LGSN: variants seen among roughly 807,000 people sequenced by gnomAD.
LGSN encodes the protein lengsin, lens protein with glutamine synthetase domain, also known as lengsin.
A neutral mutation model predicts 19.5 loss-of-function variants in LGSN; 21 were observed. The observed-to-expected ratio is 1.07, with a 90% CI of 0.76 to 1.55. The LOEUF (loss-of-function observed/expected upper bound fraction) is 1.55, where lower values mean the gene tolerates loss of function less well. Among genes scored for constraint, LGSN ranks in the 40% most tolerant of loss-of-function variants. The pLI, the probability that LGSN is intolerant of heterozygous loss-of-function variation, is 0.00. For missense variants in LGSN, 673 were observed against 608.5 expected, an observed-to-expected ratio of 1.11 and a Z score of -1.12; for synonymous variants, 257 against 215.6, an observed-to-expected ratio of 1.19 and a Z score of -1.68.
chr6:63,359,687 T>C, the LGSN span, among the ~76,000 whole-genome samples: 2 of 152,244 alleles, frequency 1.3e-5, no homozygotes, highest in African/African-American at 4.8e-5. Flanking sequence ...ATATCCCCTC[T>C]ATCATTTTTT....
At chr6:63,560,952 T>A in the LGSN span, among the ~76,000 whole-genome samples, 3 of 152,190 alleles carry the variant, frequency 2.0e-5, no homozygotes, top group Non-Finnish European at 2.9e-5. Context: ...CATAATCATA[T>A]TTTATGATTC....
the LGSN span, among the ~76,000 whole-genome samples, chr6:63,548,031 C>T: frequency 1.3e-5 from 2 of 152,152 alleles, no homozygotes; most frequent in Admixed American, 1.3e-4. Context: ...CTAGGGATTC[C>T]CTGTTTCTTT....
chr6:63,290,122 TC>T (rs1305934436), intron 2 of LGSN, among the ~76,000 whole-genome samples: 1 of 152,200 alleles, frequency 6.6e-6, no homozygotes, highest in East Asian at 1.9e-4. Context: ...AAATACCATA[TC>T]AAAATTCCTT....
chr6:63,353,477 T>A, the LGSN span, among the ~76,000 whole-genome samples: 1 of 149,994 alleles, frequency 6.7e-6, no homozygotes, highest in African/African-American at 2.5e-5. Flanking sequence ...TAGGGAACCA[T>A]AACAGAACGT....
the LGSN span, among the ~76,000 whole-genome samples, chr6:63,350,466 G>A: frequency 6.6e-6 from 1 of 152,212 alleles, no homozygotes. Flanking sequence ...TAACCTGGTT[G>A]TGAAGATTTA....
the LGSN span, among the ~76,000 whole-genome samples, chr6:63,515,703 T>C: frequency 6.6e-6 from 1 of 152,026 alleles, no homozygotes; most frequent in Non-Finnish European, 1.5e-5. Context: ...TAGTCAGGCA[T>C]GAGAATGATT....
the LGSN span, among the ~76,000 whole-genome samples, chr6:63,531,663 A>T: frequency 1.3e-5 from 2 of 151,486 alleles, no homozygotes; most frequent in Non-Finnish European, 2.9e-5. Context: ...TCAATATTTC[A>T]TACTTTTTTG....
intron 2 of LGSN, among the ~76,000 whole-genome samples, chr6:63,289,576 T>A (rs957670541): frequency 1.3e-5 from 2 of 151,534 alleles, no homozygotes; most frequent in East Asian, 3.9e-4. Flanking sequence ...TGTGTTTTTA[T>A]AGAAGATGTT....
the LGSN span, among the ~76,000 whole-genome samples, chr6:63,477,643 C>CTT: frequency 8.1e-3 from 986 of 121,046 alleles, 8 homozygotes; most frequent in African/African-American, 0.018. Flanking sequence ...GGTTTTCATC[C>CTT]TTTTTTTTTT....
the LGSN span, among the ~76,000 whole-genome samples, chr6:63,330,575 C>T: frequency 6.6e-6 from 1 of 152,310 alleles, no homozygotes; most frequent in African/African-American, 2.4e-5. Flanking sequence ...TTGAGGAAGG[C>T]AGAAGGATTT....
the LGSN span, among the ~76,000 whole-genome samples, chr6:63,422,608 A>T: frequency 6.6e-6 from 1 of 152,194 alleles, no homozygotes; most frequent in Admixed American, 6.6e-5. Flanking sequence ...GTAGACTGAG[A>T]TAAGTTATGT....
chr6:63,390,397 T>C, the LGSN span, among the ~76,000 whole-genome samples: 3,053 of 151,658 alleles, frequency 0.02, 105 homozygotes, highest in African/African-American at 0.067. Context: ...CCCAAAGTGC[T>C]GGGATTACAG....
At chr6:63,483,413 T>C in the LGSN span, among the ~76,000 whole-genome samples, 1 of 151,380 alleles carries the variant, frequency 6.6e-6, no homozygotes, top group African/African-American at 2.4e-5. Flanking sequence ...CCACCCAGGC[T>C]GGAGTGCAGT....
At chr6:63,436,044 C>A in the LGSN span, among the ~76,000 whole-genome samples, 1 of 151,938 alleles carries the variant, frequency 6.6e-6, no homozygotes, top group Non-Finnish European at 1.5e-5. Context: ...GGAACATTTT[C>A]CTCCAAAACC....
chr6:63,554,443 T>C, the LGSN span, among the ~76,000 whole-genome samples: 1 of 152,150 alleles, frequency 6.6e-6, no homozygotes, highest in African/African-American at 2.4e-5. Context: ...CATTACAACC[T>C]TCCAGCCTGA....
At chr6:63,524,853 G>A in the LGSN span, among the ~76,000 whole-genome samples, 136 of 152,216 alleles carry the variant, frequency 8.9e-4, 1 homozygote, top group Admixed American at 1.4e-3. Context: ...ATGTGAATGC[G>A]AGATGTGGCA....
At chr6:63,414,964 T>G in the LGSN span, among the ~76,000 whole-genome samples, 4 of 152,002 alleles carry the variant, frequency 2.6e-5, no homozygotes, top group African/African-American at 9.7e-5. Context: ...AAATGGAGAC[T>G]TTTTAAAATA....
chr6:63,494,403 A>G, the LGSN span, among the ~76,000 whole-genome samples: 1 of 152,186 alleles, frequency 6.6e-6, no homozygotes, highest in Non-Finnish European at 1.5e-5. Flanking sequence ...ATATGTATAT[A>G]TACACATATG....
chr6:63,436,365 T>G, the LGSN span, among the ~76,000 whole-genome samples: 1 of 152,194 alleles, frequency 6.6e-6, no homozygotes, highest in Non-Finnish European at 1.5e-5. Context: ...CCTCTTAAAG[T>G]GCTGGGATTA....
Sources: gnomAD v4.1 joint callset for allele counts (sites outside exome capture counted in the v4.1 genomes callset) on GRCh38, gnomAD v4.1.1 for gene constraint, MANE v1.5 for transcripts, NCBI Gene and HGNC (gene_info 2026-07-23, HGNC 2026-07-21) for gene names.